The following TPTE2 variants were observed in gnomAD, a reference collection of about 807,000 sequenced individuals.
TPTE2 encodes the protein phosphatidylinositol 3,4,5-trisphosphate 3-phosphatase TPTE2.
Under a neutral mutation model 78.6 loss-of-function variants are expected in TPTE2, and 53 were observed. That is an observed-to-expected ratio of 0.67 (90% CI 0.54 to 0.85). TPTE2 has a LOEUF of 0.85. Among genes scored for constraint, TPTE2 ranks in the 40% least tolerant of loss-of-function variants. TPTE2 has a pLI of 0.00. For missense variants in TPTE2, 461 were observed against 623.0 expected (o/e 0.74, Z 2.77); for synonymous variants, 175 against 206.2 (o/e 0.85, Z 1.30).
chr13:19,548,719 G>A, the TPTE2 span, among the ~76,000 whole-genome samples: 2 of 151,520 alleles, frequency 1.3e-5, no homozygotes, highest in Non-Finnish European at 2.9e-5. Flanking sequence ...ACTCAAGATG[G>A]ATTAAAGGCT....
chr13:19,457,421 A>C (rs1227424864), intron 10 of TPTE2, among the ~76,000 whole-genome samples: 1 of 152,286 alleles, frequency 6.6e-6, no homozygotes, highest in African/African-American at 2.4e-5. Flanking sequence ...GGTGTGTTAC[A>C]CAGTTAAATG....
At chr13:19,447,148 A>G (rs1279873109) in intron 13 of TPTE2, among the ~76,000 whole-genome samples, 2 of 152,204 alleles carry the variant, frequency 1.3e-5, no homozygotes, top group Non-Finnish European at 2.9e-5. Flanking sequence ...AGAAGATAGC[A>G]AGACTAATAT....
chr13:19,460,341 C>G (rs1878809403), intron 10 of TPTE2, among the ~76,000 whole-genome samples: 1 of 152,224 alleles, frequency 6.6e-6, no homozygotes, highest in African/African-American at 2.4e-5. Flanking sequence ...GCTGGGCCAT[C>G]GCACCCTCTG....
chr13:19,533,279 A>G (rs1870994716), intron 1 of TPTE2, among the ~76,000 whole-genome samples: 1 of 152,218 alleles, frequency 6.6e-6, no homozygotes, highest in African/African-American at 2.4e-5. Flanking sequence ...GTGTAGGACT[A>G]AATACAGAGA....
At position 19,457,048 on chromosome 13, in the gene TPTE2, C is replaced by A. The variant is rs189253550; in HGVS notation, c.742-5823G>T. ...ATATGTTCACTTTATTTGCAATAAA[C>A]GCACCTCTGCAATTCATTGGGGGAA... is the stretch of plus-strand genomic sequence containing the variant. On this transcript the variant is annotated intron_variant, in intron 10 of 19. Coordinates refer to ENST00000400230, the Ensembl canonical transcript of TPTE2. Among the ~76,000 whole-genome samples the A allele has an allele frequency of 6.6e-3, 1,011 of 152,224 alleles. 6 individuals are homozygous for A. The highest frequency in any genetic ancestry group is 0.014 in the Admixed American group (213 of 15,282).
chr13:19,546,766 AG>A, the TPTE2 span, among the ~76,000 whole-genome samples: 299 of 152,172 alleles, frequency 2.0e-3, 1 homozygote, highest in African/African-American at 7.0e-3. Flanking sequence ...CTGGGACTAC[AG>A]GCATGAGCCA....
upstream of TPTE2, among the ~76,000 whole-genome samples, chr13:19,537,461 G>A (rs1476760570): frequency 1.3e-5 from 2 of 151,884 alleles, no homozygotes; most frequent in Non-Finnish European, 2.9e-5. Context: ...TCAAACTTCT[G>A]ACCTCAGGTG....
intron 6 of TPTE2, among the ~76,000 whole-genome samples, chr13:19,473,383 T>C (rs867279015): frequency 3.3e-5 from 5 of 152,080 alleles, no homozygotes; most frequent in South Asian, 2.1e-4. Context: ...CTACCTAGTG[T>C]TTTATTGTGC....
intron 17 of TPTE2, among the ~76,000 whole-genome samples, chr13:19,430,129 T>C (rs1245792272): frequency 6.6e-6 from 1 of 152,176 alleles, no homozygotes; most frequent in East Asian, 1.9e-4. Context: ...ATCAAATGAC[T>C]GAGAAGAAGA....
intron 3 of TPTE2, among the ~76,000 whole-genome samples, chr13:19,487,989 C>T (rs1263169155): frequency 6.6e-6 from 1 of 152,134 alleles, no homozygotes; most frequent in Non-Finnish European, 1.5e-5. Context: ...TTACCTTCAC[C>T]CTGCAATGAG....
chr13:19,424,867 C>A (rs1187081306), intron 19 of TPTE2, 80 bp downstream of exon 22: 1 of 913,364 alleles, frequency 1.1e-6, no homozygotes. Context: ...TTATGACAAC[C>A]AGCAAAAGAC....
Position 19,477,918 on chromosome 13 carries a change from A to C in TPTE2, c.180-2295T>G, listed in dbSNP as rs577506597. 6.6e-5 allele frequency among the ~76,000 whole-genome samples: 10 copies of C among 152,346 alleles called. 1 individual carries two copies. In the South Asian group the frequency reaches 2.1e-3, roughly 32 times the overall value. On this transcript the variant is annotated intron_variant, in intron 4 of 19. Transcript: ENST00000400230. ...GGGAGCAACAGACAGACACTCCAACATGAAGCAACACGAAGCATAGCCTCC... is the reference window on the plus strand; with the variant it reads ...GGGAGCAACAGACAGACACTCCAACCTGAAGCAACACGAAGCATAGCCTCC...
chr13:19,432,796 C>A (rs1183675220), intron 15 of TPTE2, among the ~76,000 whole-genome samples: 1 of 151,704 alleles, frequency 6.6e-6, no homozygotes. Context: ...GGGGAAGTAA[C>A]AAGGATGGAG....
At chr13:19,495,290 G>C (rs1372622757) in intron 1 of TPTE2, among the ~76,000 whole-genome samples, 1 of 152,192 alleles carries the variant, frequency 6.6e-6, no homozygotes, top group Non-Finnish European at 1.5e-5. Flanking sequence ...AGCTCTGGAG[G>C]GGGTGAAATA....
At chr13:19,553,344 G>C in the TPTE2 span, among the ~76,000 whole-genome samples, 1 of 152,176 alleles carries the variant, frequency 6.6e-6, no homozygotes, top group African/African-American at 2.4e-5. Flanking sequence ...CTGCTGCTGG[G>C]AAAGTAAAAT....
At chr13:19,542,567 A>ATCTCAGTT in the TPTE2 span, among the ~76,000 whole-genome samples, 2 of 151,956 alleles carry the variant, frequency 1.3e-5, no homozygotes, top group Non-Finnish European at 2.9e-5. Context: ...TAATCACCCC[A>ATCTCAGTT]TCTCAGTTTT....
intron 4 of TPTE2, among the ~76,000 whole-genome samples, 178 bp downstream of exon 7, chr13:19,482,310 T>C (rs1880406294): frequency 6.6e-6 from 1 of 152,200 alleles, no homozygotes; most frequent in Non-Finnish European, 1.5e-5. Flanking sequence ...AATTTTTTTT[T>C]CAAAATAATA....
At chr13:19,524,297 T>C (rs766749766) in intron 1 of TPTE2, among the ~76,000 whole-genome samples, 1 of 152,202 alleles carries the variant, frequency 6.6e-6, no homozygotes, top group Non-Finnish European at 1.5e-5. Context: ...TAATTTTAAG[T>C]CTTCCCTAAT....
intron 1 of TPTE2, among the ~76,000 whole-genome samples, chr13:19,516,667 G>A (rs1869812263): frequency 6.6e-6 from 1 of 152,110 alleles, no homozygotes; most frequent in Non-Finnish European, 1.5e-5. Context: ...CCTTTTGGTG[G>A]CCATCTCTGT....
Sources: allele counts gnomAD v4.1 joint callset (sites outside exome capture counted in the v4.1 genomes callset), GRCh38; gene constraint gnomAD v4.1.1; transcripts MANE v1.5; gene names NCBI Gene and HGNC (gene_info 2026-07-23, HGNC 2026-07-21).